Variants in DOCK7 observed in about 807,000 individuals in gnomAD.
DOCK7 encodes the protein dedicator of cytokinesis 7.
In DOCK7, 138 loss-of-function variants were observed where a neutral mutation model predicts 271.0. That is an observed-to-expected ratio of 0.51 (90% CI 0.44 to 0.59). The LOEUF (loss-of-function observed/expected upper bound fraction) is 0.59. Among genes scored for constraint, DOCK7 ranks in the 20% least tolerant of loss-of-function variants. The probability of loss-of-function intolerance (pLI) is 0.00; values close to 1 mark genes in which losing one functional copy is unlikely to be tolerated. For missense variants in DOCK7, 2,066 were observed against 2,592.4 expected, an observed-to-expected ratio of 0.80 and a Z score of 4.41; for synonymous variants, 823 against 876.1, an observed-to-expected ratio of 0.94 and a Z score of 1.07.
chr1:62,663,219 G>T, intron 1 of DOCK7, 89 bp from the exon 2 acceptor site: 1 of 1,009,814 alleles, frequency 9.9e-7, no homozygotes, highest in Non-Finnish European at 1.5e-6. Context: ...ATACATTAAA[G>T]ATTCATTTAA....
At chr1:62,504,916 T>C in intron 36 of DOCK7, 134 bp from the exon 37 acceptor site, 2 of 1,047,622 alleles carry the variant, frequency 1.9e-6, no homozygotes, top group Non-Finnish European at 2.7e-6. Flanking sequence ...TATTAGCTAA[T>C]GGTTAATAGT....
At chr1:62,680,776 A>G (rs1303471586) in intron 1 of DOCK7, among the ~76,000 whole-genome samples, 3 of 151,746 alleles carry the variant, frequency 2.0e-5, no homozygotes, top group African/African-American at 4.8e-5. Context: ...CAAAAGACAC[A>G]TGAAAAAATG....
intron 1 of DOCK7, among the ~76,000 whole-genome samples, chr1:62,683,641 G>T (rs1661406961): frequency 6.6e-6 from 1 of 152,146 alleles, no homozygotes; most frequent in Admixed American, 6.6e-5. Flanking sequence ...AGAAAATATA[G>T]TCAAATAAAA....
intron 4 of DOCK7, among the ~76,000 whole-genome samples, chr1:62,650,687 T>C (rs1031346092): frequency 3.9e-5 from 6 of 152,152 alleles, no homozygotes; most frequent in Middle Eastern, 3.4e-3. Context: ...AACAGACACA[T>C]GAAAAAATGC....
At chr1:62,456,478 T>A (rs1269278621) in intron 49 of DOCK7, among the ~76,000 whole-genome samples, 1 of 152,210 alleles carries the variant, frequency 6.6e-6, no homozygotes, top group Non-Finnish European at 1.5e-5. Context: ...AGAGATCACA[T>A]TGGCTTCAAA....
intron 18 of DOCK7, among the ~76,000 whole-genome samples, chr1:62,569,319 C>T (rs1646688960): frequency 6.6e-6 from 1 of 152,106 alleles, no homozygotes; most frequent in African/African-American, 2.4e-5. Context: ...CCCTAATGAA[C>T]ATCAATGCAA....
At chr1:62,524,990 T>G (rs1008742408) in intron 31 of DOCK7, among the ~76,000 whole-genome samples, 2 of 144,686 alleles carry the variant, frequency 1.4e-5, no homozygotes, top group Non-Finnish European at 3.0e-5. Context: ...AATGCAAACT[T>G]AGACGGTAAA....
chr1:62,591,842 ACTT>A (rs1210372847), intron 14 of DOCK7, among the ~76,000 whole-genome samples: 3 of 152,182 alleles, frequency 2.0e-5, no homozygotes, highest in African/African-American at 4.8e-5. Context: ...TTTATGTATT[ACTT>A]CTTATTTTTA....
chr1:62,557,470 CTAACT>C, intron 20 of DOCK7, among the ~76,000 whole-genome samples: 1 of 151,354 alleles, frequency 6.6e-6, no homozygotes, highest in African/African-American at 2.4e-5. Flanking sequence ...GCTTTCTCTT[CTAACT>C]TAACTTCTTA....
intron 18 of DOCK7, among the ~76,000 whole-genome samples, chr1:62,565,961 A>C (rs11810845): frequency 2.8e-4 from 43 of 152,300 alleles, no homozygotes; most frequent in African/African-American, 1.0e-3. Flanking sequence ...AATTGCTACA[A>C]AGAGAATAAA....
rs1007520905 is a variant in DOCK7, at chr1:62,640,054, A to C, written c.819-3451T>G. ...AATACTCAATGGCTATTATGCTGCA[A>C]AACAGGTATTTTTTATTCACTATAA... On this transcript the variant is annotated intron_variant, in intron 7 of 49. Coordinates refer to ENST00000635253, the MANE Select transcript of DOCK7 (RefSeq NM_001367561.1). 3.9e-5 allele frequency among the ~76,000 whole-genome samples: 6 copies of C among 152,316 alleles called. No individual in the cohort carries two copies. The South Asian group carries it at 1.2e-3, about 32-fold the overall frequency.
chr1:62,477,348 G>C (rs919160662), intron 44 of DOCK7, among the ~76,000 whole-genome samples: 1 of 152,020 alleles, frequency 6.6e-6, no homozygotes, highest in African/African-American at 2.4e-5. Context: ...AATTTCTTAG[G>C]GTTCTGGTTC....
At chr1:62,523,809 G>A (rs1203427950) in intron 31 of DOCK7, among the ~76,000 whole-genome samples, 1 of 152,166 alleles carries the variant, frequency 6.6e-6, no homozygotes, top group African/African-American at 2.4e-5. Context: ...AGAGCTTGCA[G>A]TGAGCCGAGA....
At position 62,475,963 on chromosome 1, in the gene DOCK7, T is replaced by C. The variant is rs372761510; in HGVS notation, c.5725-20A>G. The C allele has an allele frequency of 9.3e-6, 15 of 1,609,692 alleles. No homozygotes were observed. The highest frequency in any genetic ancestry group is 1.2e-5 in the Non-Finnish European group (14 of 1,176,960). ...ATATGCCTAGGAAAGAAAAAAGTCC[T>C]TCATTTCCTCACTGTTAAGTCATCA... On this transcript the variant is annotated intron_variant, in intron 45 of 49. Coordinates refer to ENST00000635253, the MANE Select transcript of DOCK7 (RefSeq NM_001367561.1).
At chr1:62,488,766 T>C (rs1479094924) in intron 42 of DOCK7, 168 bp downstream of exon 42, 3 of 836,198 alleles carry the variant, frequency 3.6e-6, no homozygotes, top group Admixed American at 2.0e-5. Context: ...TTCATTTTTA[T>C]TGTTAATGAG....
chr1:62,490,931 T>C (rs911385357), intron 41 of DOCK7, among the ~76,000 whole-genome samples: 1 of 152,172 alleles, frequency 6.6e-6, no homozygotes, highest in African/African-American at 2.4e-5. Context: ...AAAAACACTC[T>C]TAAGAGTCTC....
At chr1:62,634,023 C>T (rs1363380135) in intron 9 of DOCK7, 4 of 152,526 alleles carry the variant, frequency 2.6e-5, no homozygotes, top group Non-Finnish European at 5.9e-5. Flanking sequence ...ATGTAGAAAA[C>T]TTTAAAGATG....
chr1:62,511,043 T>C, intron 33 of DOCK7: 1 of 162,362 alleles, frequency 6.2e-6, no homozygotes, highest in Middle Eastern at 3.1e-3. Flanking sequence ...TATCAGTATA[T>C]ACTCTGACTA....
At chr1:62,542,406 C>G (rs1645564843) in intron 25 of DOCK7, among the ~76,000 whole-genome samples, 1 of 152,032 alleles carries the variant, frequency 6.6e-6, no homozygotes, top group South Asian at 2.1e-4. Flanking sequence ...TTAAAATGAG[C>G]CTCACTCTTA....
Sources: gnomAD v4.1 joint callset for allele counts (sites outside exome capture counted in the v4.1 genomes callset) on GRCh38, gnomAD v4.1.1 for gene constraint, MANE v1.5 for transcripts, NCBI Gene and HGNC (gene_info 2026-07-23, HGNC 2026-07-21) for gene names.